Variants in KAZN observed in about 807,000 individuals in gnomAD.
KAZN encodes the protein kazrin.
KAZN carries 40 observed loss-of-function variants against 87.4 expected under a neutral mutation model. The observed-to-expected ratio is 0.46, with a 90% confidence interval of 0.36 to 0.60. KAZN has a LOEUF of 0.60. KAZN is among the 20% of genes least tolerant of loss of function. The pLI is 0.00. For synonymous variants in KAZN, 466 were observed against 458.3 expected (o/e 1.02, Z -0.22); for missense variants, 898 against 1,073.9 (o/e 0.84, Z 2.29).
chr1:14,993,638 G>T (rs543481547), intron 2 of KAZN, among the ~76,000 whole-genome samples: 1 of 152,268 alleles, frequency 6.6e-6, no homozygotes, highest in South Asian at 2.1e-4. Flanking sequence ...CTCGACTCTC[G>T]TCTGGGAGGG....
At chr1:14,151,420 G>A (rs182963247) in intron 1 of KAZN, among the ~76,000 whole-genome samples, 57 of 152,182 alleles carry the variant, frequency 3.7e-4, no homozygotes, top group African/African-American at 1.3e-3. Flanking sequence ...CTGCTTAGAA[G>A]CAATGAAAAT....
At chr1:14,213,340 A>T (rs913938529) in intron 2 of KAZN, among the ~76,000 whole-genome samples, 3 of 152,094 alleles carry the variant, frequency 2.0e-5, no homozygotes, top group Admixed American at 2.0e-4. Flanking sequence ...TCCGGCCTAA[A>T]TAGGAAACTA....
chr1:14,028,732 A>G (rs1166879354), intron 1 of KAZN, among the ~76,000 whole-genome samples: 2 of 152,194 alleles, frequency 1.3e-5, no homozygotes, highest in Non-Finnish European at 2.9e-5. Flanking sequence ...CATAGTTTCA[A>G]AAGGTTTGCC....
intron 2 of KAZN, among the ~76,000 whole-genome samples, chr1:14,198,464 G>A (rs1476489196): frequency 6.6e-6 from 1 of 152,142 alleles, no homozygotes; most frequent in Non-Finnish European, 1.5e-5. Context: ...GCTGGGCATG[G>A]TGGCGCATGC....
In KAZN at chr1:14,681,611, G is replaced by A. The variant is rs1424650950; in HGVS notation, c.226+82388G>A. On this transcript the variant is annotated intron_variant, in intron 1 of 14. Coordinates refer to ENST00000376030, the MANE Select transcript of KAZN (RefSeq NM_201628.3). ...ATTTTAACTATATATATATGTATAT[G>A]TGTATATATATATATATATATATAT... is the stretch of plus-strand genomic sequence containing the variant. Among the ~76,000 whole-genome samples the A allele has an allele frequency of 3.8e-3, 129 of 33,874 alleles. 1 individual carries two copies. Among genetic ancestry groups the A allele is most frequent in the African/African-American group, 0.012 (124 of 10,402 alleles). 22.2% of individuals were successfully genotyped at this position (33,874 alleles called of 152,430 possible).
chr1:14,719,587 C>T lies in KAZN; in HGVS notation c.226+120364C>T, dbSNP rs139200347. Among the ~76,000 whole-genome samples, 345 of 152,312 alleles carry T rather than the reference C, an allele frequency of 2.3e-3. 2 individuals are homozygous for T. The highest frequency in any genetic ancestry group is 8.0e-3 in the African/African-American group (332 of 41,574). ...GGCGTGGTGGCTCACACTTGTAATCCGAGCACTTTGGGAGGCCAAGGCGGG... is the reference window on the plus strand; with the variant it reads ...GGCGTGGTGGCTCACACTTGTAATCTGAGCACTTTGGGAGGCCAAGGCGGG... On this transcript the variant is annotated intron_variant, in intron 1 of 14. Coordinates refer to ENST00000376030, the MANE Select transcript of KAZN (RefSeq NM_201628.3).
At chr1:14,437,080 G>A (rs1298508170) in intron 2 of KAZN, among the ~76,000 whole-genome samples, 1 of 152,180 alleles carries the variant, frequency 6.6e-6, no homozygotes, top group Non-Finnish European at 1.5e-5. Context: ...CTCCTCTTGT[G>A]AAGCTGGTGC....
At chr1:14,791,505 G>A (rs1645673392) in intron 1 of KAZN, among the ~76,000 whole-genome samples, 1 of 152,206 alleles carries the variant, frequency 6.6e-6, no homozygotes, top group South Asian at 2.1e-4. Context: ...GATTCTGCGT[G>A]ACTTGCAAGC....
At chr1:14,379,802 A>G (rs1294078516) in intron 2 of KAZN, among the ~76,000 whole-genome samples, 1 of 152,204 alleles carries the variant, frequency 6.6e-6, no homozygotes, top group Non-Finnish European at 1.5e-5. Flanking sequence ...AGACTGACCT[A>G]GTGCCTGGGG....
chr1:14,633,786 T>A (rs1176421276), intron 1 of KAZN, among the ~76,000 whole-genome samples: 1 of 152,102 alleles, frequency 6.6e-6, no homozygotes, highest in Admixed American at 6.5e-5. Context: ...CTTGGGGACA[T>A]GATTATGAAA....
chr1:14,188,128 C>T (rs928331542), intron 2 of KAZN, among the ~76,000 whole-genome samples: 2 of 150,822 alleles, frequency 1.3e-5, no homozygotes, highest in Non-Finnish European at 2.9e-5. Flanking sequence ...GATAACAGTT[C>T]AAAGACATTC....
chr1:14,963,498 C>T (rs1572933770), intron 2 of KAZN, among the ~76,000 whole-genome samples: 2 of 152,312 alleles, frequency 1.3e-5, no homozygotes, highest in African/African-American at 4.8e-5. Context: ...GCCCAGATGC[C>T]AGAGACAGAA....
chr1:14,919,983 C>A (rs1481564892), intron 1 of KAZN, among the ~76,000 whole-genome samples: 2 of 152,088 alleles, frequency 1.3e-5, no homozygotes, highest in Non-Finnish European at 2.9e-5. Context: ...AATGCATTTC[C>A]CAGAACGTCA....
At chr1:14,475,265 C>T (rs1030627749) in intron 2 of KAZN, among the ~76,000 whole-genome samples, 1 of 152,138 alleles carries the variant, frequency 6.6e-6, no homozygotes, top group Non-Finnish European at 1.5e-5. Flanking sequence ...TCCTTTTGAA[C>T]CTTATAGCTG....
At chr1:14,442,336 T>C (rs1187138567) in intron 2 of KAZN, among the ~76,000 whole-genome samples, 12 of 152,208 alleles carry the variant, frequency 7.9e-5, no homozygotes, top group Admixed American at 7.9e-4. Context: ...TCACTACCCA[T>C]CTACCAAGGC....
chr1:14,546,605 A>G (rs1673161662), intron 2 of KAZN, among the ~76,000 whole-genome samples: 1 of 152,162 alleles, frequency 6.6e-6, no homozygotes, highest in Non-Finnish European at 1.5e-5. Context: ...GAAAACGAAA[A>G]GGAAAGACTG....
chr1:15,067,001 G>A (rs982245810), intron 8 of KAZN: 12 of 985,478 alleles, frequency 1.2e-5, no homozygotes, highest in Non-Finnish European at 1.4e-5. Context: ...GAGAGGTTGA[G>A]TTCAGGGCAA....
At chr1:14,171,248 A>G (rs1645948527) in intron 1 of KAZN, among the ~76,000 whole-genome samples, 2 of 152,214 alleles carry the variant, frequency 1.3e-5, no homozygotes, top group Non-Finnish European at 2.9e-5. Flanking sequence ...GCTGTTGTGA[A>G]TGCTCATGTG....
intron 2 of KAZN, among the ~76,000 whole-genome samples, chr1:14,529,226 C>T (rs147944368): frequency 6.6e-6 from 1 of 152,268 alleles, no homozygotes; most frequent in Admixed American, 6.5e-5. Context: ...ATCGCTTGAA[C>T]CTGGGAGGCA....
Sources: gnomAD v4.1 joint callset for allele counts (sites outside exome capture counted in the v4.1 genomes callset) on GRCh38, gnomAD v4.1.1 for gene constraint, MANE v1.5 for transcripts, NCBI Gene and HGNC (gene_info 2026-07-23, HGNC 2026-07-21) for gene names.